The following KRCC1 variants were observed in gnomAD, a reference collection of about 807,000 sequenced individuals.
The protein encoded by KRCC1 is lysine-rich coiled-coil protein 1.
Under a neutral mutation model 7.4 loss-of-function variants are expected in KRCC1, and 3 were observed. The observed-to-expected ratio is 0.40, with a 90% confidence interval of 0.18 to 1.04. The LOEUF (loss-of-function observed/expected upper bound fraction) is 1.04. Ranked by LOEUF, KRCC1 falls within the 50% of genes least tolerant of loss-of-function variation. The pLI is 0.33. For synonymous variants in KRCC1, 102 were observed against 101.6 expected (o/e 1.00, Z -0.02); for missense variants, 277 against 300.9 (o/e 0.92, Z 0.59).
chr2:88,037,475 A>T lies in KRCC1; in HGVS notation c.-290-424T>A, dbSNP rs535557302. ...CACAAACCATCTTTATTTTTTTTTTAAAACAGGGTCTGGCTCTGTCACCCA... is the reference window on the plus strand; with the variant it reads ...CACAAACCATCTTTATTTTTTTTTTTAAACAGGGTCTGGCTCTGTCACCCA... On this transcript the variant is annotated intron_variant, in intron 1 of 3. Transcript: ENST00000347055. 7.7e-4 allele frequency among the ~76,000 whole-genome samples: 117 copies of T among 152,058 alleles called. 1 individual carries two copies. The highest frequency in any genetic ancestry group is 3.4e-3 in the Middle Eastern group (1 of 294).
At chr2:88,053,310 G>A (rs1184134138) in intron 1 of KRCC1, among the ~76,000 whole-genome samples, 1 of 152,194 alleles carries the variant, frequency 6.6e-6, no homozygotes, top group African/African-American at 2.4e-5. Flanking sequence ...AAGTGGAATA[G>A]AAAGGTTACT....
intron 1 of KRCC1, among the ~76,000 whole-genome samples, chr2:88,052,141 T>G (rs1412804358): frequency 6.6e-6 from 1 of 152,264 alleles, no homozygotes; most frequent in African/African-American, 2.4e-5. Flanking sequence ...ACTATCTCTG[T>G]GCAACTGCCC....
At chr2:88,040,858 G>A (rs1009511999) in intron 1 of KRCC1, among the ~76,000 whole-genome samples, 4 of 152,138 alleles carry the variant, frequency 2.6e-5, no homozygotes, top group Non-Finnish European at 4.4e-5. Flanking sequence ...ATTCTGAATG[G>A]ACACTTAAGG....
At chr2:88,044,346 G>A (rs1037620721) in intron 1 of KRCC1, among the ~76,000 whole-genome samples, 1 of 151,616 alleles carries the variant, frequency 6.6e-6, no homozygotes, top group East Asian at 1.9e-4. Flanking sequence ...CTTGAGTCCA[G>A]GAGTTCAAGA....
At chr2:88,045,994 T>C (rs1673325024) in intron 1 of KRCC1, among the ~76,000 whole-genome samples, 2 of 152,186 alleles carry the variant, frequency 1.3e-5, no homozygotes, top group Admixed American at 1.3e-4. Context: ...TTGTACATGT[T>C]ATATGTGTGG....
At chr2:88,031,416 G>C (rs962730868) in intron 3 of KRCC1, among the ~76,000 whole-genome samples, 1 of 152,156 alleles carries the variant, frequency 6.6e-6, no homozygotes, top group African/African-American at 2.4e-5. Flanking sequence ...GAGGTCAGGA[G>C]TTCGAGACCA....
In KRCC1 at chr2:88,027,948, T is replaced by A; in HGVS notation, c.616A>T (p.Thr206Ser). Residue 206 changes from threonine (T) to serine (S), a missense_variant, in exon 4 of 4, where the codon ACC (threonine) becomes TCC (serine). Coordinates refer to ENST00000347055, the MANE Select transcript of KRCC1 (RefSeq NM_016618.3). ...AGCTTTTCTGTACTGACATGTACGGTTTCTATTTCCACCTCTGTTTTCTTT... is the reference window on the plus strand; with the variant it reads ...AGCTTTTCTGTACTGACATGTACGGATTCTATTTCCACCTCTGTTTTCTTT... ...QRKKTEVEIE[T>S]VHVSTEKLKN... 6.2e-7 allele frequency: 1 copy of A among 1,613,798 alleles called. No homozygotes were observed. Among genetic ancestry groups the A allele is most frequent in the Non-Finnish European group, 8.5e-7 (1 of 1,179,990 alleles).
In KRCC1 at chr2:88,028,058, TCTCTGCCTTC is replaced by T; in HGVS notation, c.496_505del (p.Glu166LysfsTer21). 6.2e-7 allele frequency: 1 copy of T among 1,614,204 alleles called. No homozygotes were observed. Among genetic ancestry groups the T allele is most frequent in the Non-Finnish European group, 8.5e-7 (1 of 1,180,046 alleles). Reference sequence around the variant, plus strand: ...CTTAGACCGCTCCTCCTCTGATTTTTCTCTGCCTTCCTCTGGGTGCCTTTTCCTCTTCTGA... The same window carrying T: ...CTTAGACCGCTCCTCCTCTGATTTTTCTCTGGGTGCCTTTTCCTCTTCTGA... On this transcript the variant is annotated frameshift_variant, in exon 4 of 4. Coordinates refer to ENST00000347055, the MANE Select transcript of KRCC1 (RefSeq NM_016618.3). LOFTEE classifies it high-confidence loss of function.
chr2:88,046,966 G>A (rs1673350447), intron 1 of KRCC1, among the ~76,000 whole-genome samples: 1 of 152,162 alleles, frequency 6.6e-6, no homozygotes. Flanking sequence ...GAGCCGCCAT[G>A]CCCAGCCAGG....
At chr2:88,049,139 C>T (rs1159775437) in intron 1 of KRCC1, among the ~76,000 whole-genome samples, 2 of 152,082 alleles carry the variant, frequency 1.3e-5, no homozygotes, top group East Asian at 1.9e-4. Context: ...TGACAAAATA[C>T]AAATGAAGTA....
At position 88,048,964 on chromosome 2, in the gene KRCC1, G is replaced by A. The variant is rs540494062; in HGVS notation, c.-291+6662C>T. 3.3e-5 allele frequency among the ~76,000 whole-genome samples: 5 copies of A among 152,276 alleles called. No individual in the cohort carries two copies. In the South Asian group the frequency reaches 1.0e-3, roughly 32 times the overall value. ...GGGGTAACAATGCAGCCCAATACCT[G>A]TCAACAGCATGAATACTCTTTGCTA... is the stretch of plus-strand genomic sequence containing the variant. On this transcript the variant is annotated intron_variant, in intron 1 of 3. Transcript: ENST00000347055.
At chr2:88,046,410 C>T (rs995780733) in intron 1 of KRCC1, among the ~76,000 whole-genome samples, 2 of 152,200 alleles carry the variant, frequency 1.3e-5, no homozygotes, top group Admixed American at 6.5e-5. Flanking sequence ...AAGGTAAGTG[C>T]TGTATGGATG....
intron 1 of KRCC1, among the ~76,000 whole-genome samples, chr2:88,044,220 C>G (rs1673279977): frequency 6.6e-6 from 1 of 152,042 alleles, no homozygotes; most frequent in Admixed American, 6.6e-5. Flanking sequence ...AAATCTGAAA[C>G]ATTTTCTGAT....
Position 88,028,281 on chromosome 2 carries a change from TGCTGTCATGG to T in KRCC1, c.273_282del (p.His92AspfsTer2). 6.2e-7 allele frequency: 1 copy of T among 1,614,220 alleles called. No homozygotes were observed. ...TAGCTCAGAGAGTCTAGTCTCAATC[TGCTGTCATGG>T]GCTGGTAACCACTGAGGCAACCGAT... On this transcript the variant is annotated frameshift_variant, in exon 4 of 4. Coordinates refer to ENST00000347055, the MANE Select transcript of KRCC1 (RefSeq NM_016618.3). LOFTEE classifies it low-confidence loss of function (END_TRUNC).
intron 1 of KRCC1, among the ~76,000 whole-genome samples, chr2:88,044,544 AG>A (rs1673289127): frequency 1.3e-5 from 2 of 152,240 alleles, no homozygotes; most frequent in Non-Finnish European, 2.9e-5. Flanking sequence ...CAATTTAAAA[AG>A]GGCAAAAGGT....
At chr2:88,042,138 GC>G (rs1673225250) in intron 1 of KRCC1, among the ~76,000 whole-genome samples, 1 of 147,032 alleles carries the variant, frequency 6.8e-6, no homozygotes, top group African/African-American at 2.5e-5. Flanking sequence ...TCAGCTCACT[GC>G]AAGCTCCGCC....
chr2:88,033,520 C>T (rs927694812), intron 3 of KRCC1, among the ~76,000 whole-genome samples: 7 of 151,164 alleles, frequency 4.6e-5, no homozygotes, highest in South Asian at 2.1e-4. Flanking sequence ...AGAGAGACTC[C>T]GTCTCAAAAA....
chr2:88,046,202 T>C (rs1207861674), intron 1 of KRCC1, among the ~76,000 whole-genome samples: 1 of 152,200 alleles, frequency 6.6e-6, no homozygotes, highest in African/African-American at 2.4e-5. Context: ...TTAGCTCCAT[T>C]GCTCCTTTGA....
At chr2:88,039,653 G>A (rs1351126119) in intron 1 of KRCC1, among the ~76,000 whole-genome samples, 2 of 152,008 alleles carry the variant, frequency 1.3e-5, no homozygotes, top group East Asian at 1.9e-4. Flanking sequence ...GCGCCACTGC[G>A]TTCCAGCCTG....
Sources: allele counts gnomAD v4.1 joint callset (sites outside exome capture counted in the v4.1 genomes callset), GRCh38; gene constraint gnomAD v4.1.1; transcripts MANE v1.5; gene names NCBI Gene and HGNC (gene_info 2026-07-23, HGNC 2026-07-21).